Variants in MECOM observed in about 807,000 individuals in gnomAD.
The protein encoded by MECOM is histone-lysine N-methyltransferase MECOM.
Under a neutral mutation model 116.3 loss-of-function variants are expected in MECOM, and 13 were observed. The ratio of observed to expected loss-of-function variants is 0.11; its 90% CI spans 0.07 to 0.18. MECOM has a LOEUF of 0.18. Ranked by LOEUF, MECOM falls within the 10% of genes least tolerant of loss-of-function variation. The pLI, the probability that MECOM is intolerant of heterozygous loss-of-function variation, is 1.00. For missense variants in MECOM, 1,299 were observed against 1,509.0 expected (o/e 0.86, Z 2.31); for synonymous variants, 528 against 535.2 (o/e 0.99, Z 0.19).
chr3:169,485,350 A>C lies in MECOM; in HGVS notation c.38-103826T>G, dbSNP rs549182584. 4.0e-4 allele frequency among the ~76,000 whole-genome samples: 61 copies of C among 152,312 alleles called. 1 individual carries two copies. The highest frequency in any genetic ancestry group is 1.4e-3 in the African/African-American group (57 of 41,562). On this transcript the variant is annotated intron_variant, in intron 1 of 16. Transcript: ENST00000651503. ...AAAAACAAAATTTTATTTTAGCCAG[A>C]ATATTCTCGTTAGTGTTATATTAAC...
chr3:169,309,335 T>A (rs946311200), intron 2 of MECOM, among the ~76,000 whole-genome samples: 7 of 152,184 alleles, frequency 4.6e-5, no homozygotes, highest in Non-Finnish European at 1.0e-4. Context: ...ATTTGCATAT[T>A]TTTATCTTAT....
chr3:169,531,191 C>A (rs1379295927), intron 1 of MECOM, among the ~76,000 whole-genome samples: 4 of 152,164 alleles, frequency 2.6e-5, no homozygotes, highest in Admixed American at 6.5e-5. Context: ...ATACACAATA[C>A]CAAACTATCT....
chr3:169,574,850 T>G (rs911105623), intron 1 of MECOM, among the ~76,000 whole-genome samples: 1 of 151,868 alleles, frequency 6.6e-6, no homozygotes, highest in African/African-American at 2.4e-5. Context: ...ACTTTTCAAT[T>G]CAATGAGGGG....
chr3:169,319,160 C>T (rs1288374786), intron 2 of MECOM, among the ~76,000 whole-genome samples: 2 of 150,808 alleles, frequency 1.3e-5, no homozygotes, highest in Non-Finnish European at 2.9e-5. Flanking sequence ...CAATAGCAAA[C>T]ACTTGGAAAC....
At chr3:169,192,372 T>C (rs1747823162) in intron 2 of MECOM, among the ~76,000 whole-genome samples, 1 of 152,048 alleles carries the variant, frequency 6.6e-6, no homozygotes, top group Non-Finnish European at 1.5e-5. Context: ...ATGAAATATA[T>C]ATTTAAGTTT....
chr3:169,591,680 G>A (rs905872857), intron 1 of MECOM, among the ~76,000 whole-genome samples: 5 of 140,070 alleles, frequency 3.6e-5, no homozygotes, highest in Admixed American at 1.4e-4. Context: ...ATATAACAAT[G>A]TGTGGATTTG....
chr3:169,655,242 A>C (rs924354138), intron 1 of MECOM, among the ~76,000 whole-genome samples: 1 of 152,110 alleles, frequency 6.6e-6, no homozygotes, highest in African/African-American at 2.4e-5. Flanking sequence ...CTGAAATACA[A>C]AGGCTGGGTG....
In MECOM at chr3:169,483,198, T is replaced by TTA. The variant is rs796124956; in HGVS notation, c.38-101675_38-101674insTA. Among the ~76,000 whole-genome samples, 6 of 117,040 alleles carry TTA rather than the reference T, an allele frequency of 5.1e-5. No homozygotes were observed. In the South Asian group the frequency reaches 1.6e-3, roughly 30 times the overall value. The allele number at this position is 117,040 out of a possible 152,430, so 76.8% of individuals were successfully genotyped here. On this transcript the variant is annotated intron_variant, in intron 1 of 16. Transcript: ENST00000651503. The stretch of plus-strand genomic sequence containing the variant: ...TGAAAAACCATTGTTTTATTTTTAT[T>TTA]TTTATTTTTTTTTTTTTTTTGCCCA...
intron 2 of MECOM, among the ~76,000 whole-genome samples, chr3:169,212,296 T>C (rs567307726): frequency 1.3e-5 from 2 of 152,152 alleles, no homozygotes; most frequent in Non-Finnish European, 2.9e-5. Flanking sequence ...AATCAGATCA[T>C]GCCATCCCCT....
chr3:169,382,714 G>T (rs1732611525), intron 1 of MECOM, among the ~76,000 whole-genome samples: 1 of 151,798 alleles, frequency 6.6e-6, no homozygotes, highest in Admixed American at 6.6e-5. Context: ...TTAGCTGAGT[G>T]TGGTGGTATG....
At chr3:169,133,936 G>A (rs370064963) in intron 3 of MECOM, 3 of 1,289,276 alleles carry the variant, frequency 2.3e-6, no homozygotes, top group African/African-American at 1.5e-5. Context: ...TCTCTCAAAG[G>A]TTTAACTTAT....
At chr3:169,263,127 A>ATTTTTTT (rs1757800705) in intron 2 of MECOM, among the ~76,000 whole-genome samples, 1 of 19,610 alleles carries the variant, frequency 5.1e-5, no homozygotes, top group African/African-American at 2.4e-4. Flanking sequence ...ATATATATAT[A>ATTTTTTT]TGTTTTTTTT....
chr3:169,534,512 C>A (rs1368098813), intron 1 of MECOM, among the ~76,000 whole-genome samples: 1 of 152,054 alleles, frequency 6.6e-6, no homozygotes, highest in African/African-American at 2.4e-5. Context: ...TGTGGTCATA[C>A]TGTCCTGTAT....
intron 1 of MECOM, among the ~76,000 whole-genome samples, chr3:169,623,248 C>A (rs1770964448): frequency 6.6e-6 from 1 of 152,140 alleles, no homozygotes; most frequent in South Asian, 2.1e-4. Context: ...TGCAAACTGA[C>A]AAAAATAATA....
chr3:169,633,623 C>A (rs1772354198), intron 1 of MECOM, among the ~76,000 whole-genome samples: 2 of 152,276 alleles, frequency 1.3e-5, no homozygotes, highest in Non-Finnish European at 2.9e-5. Flanking sequence ...CACACACACA[C>A]TCTGTGTCGA....
chr3:169,404,854 G>C (rs565349135), intron 1 of MECOM, among the ~76,000 whole-genome samples: 39 of 152,298 alleles, frequency 2.6e-4, no homozygotes, highest in African/African-American at 9.4e-4. Flanking sequence ...AAGAAGCACA[G>C]AGCTTCACAA....
chr3:169,117,500 C>G (rs1159254944), intron 7 of MECOM, among the ~76,000 whole-genome samples: 1 of 152,220 alleles, frequency 6.6e-6, no homozygotes, highest in African/African-American at 2.4e-5. Flanking sequence ...CTTCCCCTCA[C>G]ACCAGTGGTT....
chr3:169,239,562 T>A (rs1754516679), intron 2 of MECOM, among the ~76,000 whole-genome samples: 1 of 151,966 alleles, frequency 6.6e-6, no homozygotes. Context: ...GAGATTCAAA[T>A]AAAAAGTTCT....
At chr3:169,375,990 T>C (rs1171930526) in intron 2 of MECOM, among the ~76,000 whole-genome samples, 1 of 152,102 alleles carries the variant, frequency 6.6e-6, no homozygotes, top group African/African-American at 2.4e-5. Context: ...TACGATCAAG[T>C]CGGCTTCATC....
Sources: allele counts gnomAD v4.1 joint callset (sites outside exome capture counted in the v4.1 genomes callset), GRCh38; gene constraint gnomAD v4.1.1; transcripts MANE v1.5; gene names NCBI Gene and HGNC (gene_info 2026-07-23, HGNC 2026-07-21).